Variants in PDE8B observed in about 807,000 individuals in gnomAD.
The protein encoded by PDE8B is high affinity cAMP-specific and IBMX-insensitive 3',5'-cyclic phosphodiesterase 8B.
In PDE8B, 26 loss-of-function variants were observed where a neutral mutation model predicts 101.3. The observed-to-expected ratio is 0.26, with a 90% CI of 0.19 to 0.36. The LOEUF (loss-of-function observed/expected upper bound fraction) is 0.36, where lower values mean the gene tolerates loss of function less well. Among genes scored for constraint, PDE8B ranks in the 10% least tolerant of loss-of-function variants. PDE8B has a pLI of 1.00. For synonymous variants in PDE8B, 424 were observed against 429.3 expected, an observed-to-expected ratio of 0.99 and a Z score of 0.15; for missense variants, 810 against 1,163.1, an observed-to-expected ratio of 0.70 and a Z score of 4.42.
intron 12 of PDE8B, 81 bp from the exon 13 acceptor site, chr5:77,407,300 G>C: frequency 9.8e-7 from 1 of 1,021,688 alleles, no homozygotes; most frequent in South Asian, 1.3e-5. Flanking sequence ...AGCGGGCCCT[G>C]GTCCATGAAG....
chr5:77,398,386 A>G (rs908084680), intron 10 of PDE8B, among the ~76,000 whole-genome samples: 20 of 146,738 alleles, frequency 1.4e-4, no homozygotes, highest in African/African-American at 5.2e-4. Flanking sequence ...CAGTGGCACA[A>G]TCTCTGCTCA....
the PDE8B span, among the ~76,000 whole-genome samples, chr5:77,191,413 C>T: frequency 8.6e-5 from 13 of 151,184 alleles, no homozygotes; most frequent in Non-Finnish European, 1.3e-4. Context: ...AGTGCAGTGG[C>T]GCGATCTTGG....
chr5:77,095,334 T>C, the PDE8B span, among the ~76,000 whole-genome samples: 12 of 152,360 alleles, frequency 7.9e-5, no homozygotes, highest in African/African-American at 2.9e-4. Flanking sequence ...GCTTTGCCTG[T>C]GTAACTTTCT....
chr5:77,150,910 C>T, the PDE8B span, among the ~76,000 whole-genome samples: 1 of 152,234 alleles, frequency 6.6e-6, no homozygotes, highest in African/African-American at 2.4e-5. Flanking sequence ...AAATCCAAGC[C>T]TGTCTGCCCC....
At chr5:77,381,308 A>G (rs978679677) in intron 10 of PDE8B, among the ~76,000 whole-genome samples, 3 of 152,186 alleles carry the variant, frequency 2.0e-5, no homozygotes, top group African/African-American at 7.2e-5. Context: ...TAGTAGAGAG[A>G]CGCAAGTGAC....
intron 2 of PDE8B, among the ~76,000 whole-genome samples, chr5:77,322,214 T>A (rs534897195): frequency 6.6e-6 from 1 of 151,848 alleles, no homozygotes; most frequent in African/African-American, 2.4e-5. Context: ...GTGGTGGTGG[T>A]TGGGGAATGG....
intron 1 of PDE8B, among the ~76,000 whole-genome samples, chr5:77,215,270 G>A (rs60676899): frequency 0.12 from 18,072 of 152,186 alleles, 2,587 homozygotes; most frequent in African/African-American, 0.35. Flanking sequence ...CATGATACAG[G>A]CACATATTCT....
At chr5:77,106,243 A>C in the PDE8B span, 1 of 152,234 alleles carries the variant, frequency 6.6e-6, no homozygotes, top group African/African-American at 2.4e-5. Flanking sequence ...ATTTGCCTAC[A>C]CTAAAGTTGC....
intron 7 of PDE8B, among the ~76,000 whole-genome samples, chr5:77,345,980 A>G (rs1780080678): frequency 6.6e-6 from 1 of 152,204 alleles, no homozygotes; most frequent in Non-Finnish European, 1.5e-5. Flanking sequence ...CAGCACTTTC[A>G]TTAGGTTGTC....
rs773752011 is a variant in PDE8B at position 77,424,825 on chromosome 5, TG to T, written c.2419-941del. ...AAACTGGTTCTGTTTTTTTGTTTTT[TG>T]TTTTTTGTTTTTAATGTGAGACAAG... On this transcript the variant is annotated intron_variant, in intron 20 of 21. Transcript: ENST00000264917. Among the ~76,000 whole-genome samples the T allele has an allele frequency of 7.4e-3, 814 of 110,266 alleles. 4 individuals are homozygous for T. The highest frequency in any genetic ancestry group is 0.011 in the Non-Finnish European group (529 of 48,142). The allele number at this position is 110,266 out of a possible 152,430, so 72.3% of individuals were successfully genotyped here.
chr5:77,122,004 A>G, the PDE8B span, among the ~76,000 whole-genome samples: 1 of 152,206 alleles, frequency 6.6e-6, no homozygotes, highest in African/African-American at 2.4e-5. Context: ...GGTGAATAGA[A>G]CAAGTTACAT....
chr5:77,349,549 A>T lies in PDE8B; in HGVS notation c.1007A>T (p.Lys336Met). 1.9e-6 allele frequency: 3 copies of T among 1,614,210 alleles called. No homozygotes were observed. Among genetic ancestry groups the T allele is most frequent in the Non-Finnish European group, 2.5e-6 (3 of 1,180,032 alleles). The change falls in exon 8 of 22, where the codon AAG becomes ATG. Residue 336 changes from lysine to methionine, a missense_variant. Coordinates refer to ENST00000264917, the MANE Select transcript of PDE8B (RefSeq NM_003719.5). Reference protein sequence around the residue: ...DLLDTINTCIKKGKEWQGVYY... With the variant: ...DLLDTINTCIMKGKEWQGVYY... Reference sequence around the variant, plus strand: ...CTCGACACCATCAATACATGCATCAAGAAGGGAAAGGTGGGTTACACCAGC... The same window carrying T: ...CTCGACACCATCAATACATGCATCATGAAGGGAAAGGTGGGTTACACCAGC...
At chr5:77,237,354 T>G (rs1754896849) in intron 1 of PDE8B, among the ~76,000 whole-genome samples, 2 of 152,162 alleles carry the variant, frequency 1.3e-5, no homozygotes, top group East Asian at 3.8e-4. Context: ...CAAACATTTT[T>G]TAGTATTCAA....
chr5:77,332,225 T>C (rs752097408), intron 5 of PDE8B, among the ~76,000 whole-genome samples: 86 of 152,316 alleles, frequency 5.6e-4, no homozygotes, highest in Admixed American at 1.3e-3. Context: ...CAAGTCCTTA[T>C]AGAGAAATTG....
intron 1 of PDE8B, among the ~76,000 whole-genome samples, chr5:77,264,849 A>G (rs1392760865): frequency 6.6e-6 from 1 of 152,184 alleles, no homozygotes; most frequent in African/African-American, 2.4e-5. Flanking sequence ...ATAACTACCC[A>G]GGTGAACCAT....
At chr5:77,277,769 C>T (rs559785548) in intron 1 of PDE8B, among the ~76,000 whole-genome samples, 1 of 152,270 alleles carries the variant, frequency 6.6e-6, no homozygotes, top group African/African-American at 2.4e-5. Flanking sequence ...CTCTTTTATT[C>T]ACAGTGAGAC....
At chr5:77,350,994 T>G in intron 8 of PDE8B, 71 bp from the exon 9 acceptor site, 5 of 1,077,108 alleles carry the variant, frequency 4.6e-6, no homozygotes, top group Non-Finnish European at 7.2e-6. Flanking sequence ...TTCTCAGCCT[T>G]CTGAGACCCT....
chr5:77,161,817 A>G, the PDE8B span, among the ~76,000 whole-genome samples: 3 of 152,214 alleles, frequency 2.0e-5, no homozygotes, highest in African/African-American at 7.2e-5. Context: ...CCATTCTAGC[A>G]GACTTTTTTT....
chr5:77,092,763 T>TA, the PDE8B span, among the ~76,000 whole-genome samples: 1 of 151,476 alleles, frequency 6.6e-6, no homozygotes, highest in Non-Finnish European at 1.5e-5. Context: ...AAAAAAAAAA[T>TA]ACAAAAATCA....
Sources: allele counts gnomAD v4.1 joint callset (sites outside exome capture counted in the v4.1 genomes callset), GRCh38; gene constraint gnomAD v4.1.1; transcripts MANE v1.5; gene names NCBI Gene and HGNC (gene_info 2026-07-23, HGNC 2026-07-21).